The following ZNF146 variants were observed in gnomAD, a reference collection of about 807,000 sequenced individuals.
ZNF146 encodes the protein zinc finger protein 146, also known as zinc finger protein OZF.
Under a neutral mutation model 22.2 loss-of-function variants are expected in ZNF146, and 9 were observed. The observed-to-expected ratio is 0.41, with a 90% CI of 0.24 to 0.71. The LOEUF is 0.71. Ranked by LOEUF, ZNF146 falls within the 30% of genes least tolerant of loss-of-function variation. The pLI is 0.34. For missense variants in ZNF146, 194 were observed against 344.8 expected (o/e 0.56, Z 3.46); for synonymous variants, 108 against 119.2 (o/e 0.91, Z 0.61).
At chr19:36,219,506 A>AT (rs145670628) in intron 2 of ZNF146, among the ~76,000 whole-genome samples, 2,219 of 150,422 alleles carry the variant, frequency 0.015, 49 homozygotes, top group African/African-American at 0.047. Flanking sequence ...ATCTCTGATG[A>AT]TTTTTTTTTT....
chr19:36,226,740 G>A (rs1035796000), intron 2 of ZNF146, among the ~76,000 whole-genome samples: 4 of 152,140 alleles, frequency 2.6e-5, no homozygotes, highest in African/African-American at 9.7e-5. Context: ...TTAATCCAAA[G>A]TCCATATTCA....
chr19:36,222,405 G>A (rs1172789390), intron 2 of ZNF146, among the ~76,000 whole-genome samples: 4 of 152,044 alleles, frequency 2.6e-5, no homozygotes, highest in Admixed American at 6.6e-5. Context: ...TTTTATGTGC[G>A]CCATTTTATA....
intron 3 of ZNF146, among the ~76,000 whole-genome samples, chr19:36,232,710 G>A (rs983458310): frequency 4.0e-5 from 6 of 150,812 alleles, no homozygotes; most frequent in African/African-American, 1.2e-4. Flanking sequence ...CCGGTTTCAA[G>A]TGATTCTCCT....
intron 2 of ZNF146, among the ~76,000 whole-genome samples, chr19:36,218,760 C>T (rs979428600): frequency 9.2e-5 from 14 of 151,732 alleles, no homozygotes; most frequent in East Asian, 3.9e-4. Context: ...TGAGCCACTG[C>T]GCCCGGCCTA....
chr19:36,216,586 A>C (rs1194784965), intron 1 of ZNF146, among the ~76,000 whole-genome samples: 1 of 98,432 alleles, frequency 1.0e-5, no homozygotes, highest in African/African-American at 3.5e-5. Context: ...TGAACCTGGG[A>C]GGCGGAGGTT....
At chr19:36,234,755 G>A (rs1218272429) in intron 3 of ZNF146, among the ~76,000 whole-genome samples, 1 of 152,048 alleles carries the variant, frequency 6.6e-6, no homozygotes, top group East Asian at 1.9e-4. Flanking sequence ...CATATATGTG[G>A]GTTTAATCTC....
intron 1 of ZNF146, among the ~76,000 whole-genome samples, chr19:36,216,177 T>A (rs1976596457): frequency 6.6e-6 from 1 of 152,174 alleles, no homozygotes; most frequent in Admixed American, 6.6e-5. Context: ...TGAAGAAAAC[T>A]AATATTTACA....
intron 2 of ZNF146, among the ~76,000 whole-genome samples, chr19:36,218,769 TA>T (rs1320852932): frequency 7.2e-6 from 1 of 139,520 alleles, no homozygotes; most frequent in East Asian, 2.3e-4. Flanking sequence ...GCGCCCGGCC[TA>T]ATATTTCTAT....
At chr19:36,230,762 G>A (rs990557786) in intron 3 of ZNF146, among the ~76,000 whole-genome samples, 3 of 152,158 alleles carry the variant, frequency 2.0e-5, no homozygotes, top group Admixed American at 6.6e-5. Flanking sequence ...TTGATTCTGA[G>A]TGATTTGGGA....
Position 36,238,131 on chromosome 19 carries a change from T to C in ZNF146, c.*812T>C, listed in dbSNP as rs1977712131. The C allele has an allele frequency of 6.0e-6, 1 of 167,116 alleles. No individual in the cohort carries two copies. The highest frequency in any genetic ancestry group is 6.5e-5 in the Admixed American group (1 of 15,288). The allele number at this position is 167,116 out of a possible 1,614,324, so 10.4% of individuals were successfully genotyped here. A position where few individuals can be genotyped will look rare whatever the true frequency, so the allele number is the denominator to read the frequency against. On this transcript the variant is annotated 3_prime_UTR_variant, in exon 4 of 4. Coordinates refer to ENST00000443387, the MANE Select transcript of ZNF146 (RefSeq NM_007145.3). The stretch of plus-strand genomic sequence containing the variant: ...AACAATATGGGAAATTCTTATGTAA[T>C]ACTATATATCTGTAAAATGCAACAA...
chr19:36,231,694 CA>C (rs1568434749), intron 3 of ZNF146, among the ~76,000 whole-genome samples: 1 of 152,146 alleles, frequency 6.6e-6, no homozygotes, highest in African/African-American at 2.4e-5. Flanking sequence ...GAGATTACCT[CA>C]GACCAGTTTC....
chr19:36,218,436 A>G (rs1256148452), intron 2 of ZNF146, among the ~76,000 whole-genome samples: 1 of 152,066 alleles, frequency 6.6e-6, no homozygotes, highest in East Asian at 1.9e-4. Context: ...AATTTCTGAA[A>G]GAATAAGATA....
intron 3 of ZNF146, among the ~76,000 whole-genome samples, chr19:36,231,630 T>C (rs1419311070): frequency 6.6e-6 from 1 of 152,212 alleles, no homozygotes; most frequent in Non-Finnish European, 1.5e-5. Flanking sequence ...TTCATTCTCA[T>C]TGTGTCAGAA....
At chr19:36,231,061 T>C (rs531451808) in intron 3 of ZNF146, among the ~76,000 whole-genome samples, 1 of 152,248 alleles carries the variant, frequency 6.6e-6, no homozygotes, top group East Asian at 1.9e-4. Context: ...ACTGGCTTAT[T>C]CCTAGGTTAC....
chr19:36,217,733 AATTAGCCAGGC>A (rs1976670374), intron 1 of ZNF146, among the ~76,000 whole-genome samples: 1 of 152,016 alleles, frequency 6.6e-6, no homozygotes, highest in Non-Finnish European at 1.5e-5. Context: ...AAAAATACAA[AATTAGCCAGGC>A]GTGGCGGCAC....
rs1977620029 is a variant in ZNF146 at position 36,235,658 on chromosome 19, G to A, written c.-782-1G>A. On this transcript the variant is annotated splice_acceptor_variant, in intron 3 of 3. Coordinates refer to ENST00000443387, the MANE Select transcript of ZNF146 (RefSeq NM_007145.3). LOFTEE classifies it low-confidence loss of function (5UTR_SPLICE). ...CTATGGTTCTTTGTACTCCATTTTA[G>A]AAGAAGCCTGAGAAGATGATGCACA... 1 of 152,186 alleles carries A rather than the reference G, an allele frequency of 6.6e-6. No individual in the cohort carries two copies. The allele number at this position is 152,186 out of a possible 1,614,324, so 9.4% of individuals were successfully genotyped here.
intron 3 of ZNF146, among the ~76,000 whole-genome samples, chr19:36,233,010 G>A (rs951158325): frequency 3.9e-5 from 6 of 152,238 alleles, no homozygotes; most frequent in Non-Finnish European, 5.9e-5. Flanking sequence ...TTGTATGTCC[G>A]TATCCATGTG....
chr19:36,227,281 C>T (rs1311057287), intron 2 of ZNF146, among the ~76,000 whole-genome samples: 2 of 150,344 alleles, frequency 1.3e-5, no homozygotes, highest in African/African-American at 2.5e-5. Flanking sequence ...CCCAGCTACT[C>T]GGGAGGCTGA....
At chr19:36,220,360 T>A (rs999793985) in intron 2 of ZNF146, among the ~76,000 whole-genome samples, 16 of 146,952 alleles carry the variant, frequency 1.1e-4, no homozygotes, top group Middle Eastern at 3.6e-3. Context: ...TTCTTTTTTT[T>A]AATTTAATTT....
Sources: allele counts gnomAD v4.1 joint callset (sites outside exome capture counted in the v4.1 genomes callset), GRCh38; gene constraint gnomAD v4.1.1; transcripts MANE v1.5; gene names NCBI Gene and HGNC (gene_info 2026-07-23, HGNC 2026-07-21).